Variants in TIAM1 observed in about 807,000 individuals in gnomAD.
TIAM1 encodes the protein rho guanine nucleotide exchange factor TIAM1.
A neutral mutation model predicts 163.5 loss-of-function variants in TIAM1; 65 were observed. The observed-to-expected ratio is 0.40, with a 90% CI of 0.33 to 0.49. The LOEUF is 0.49. Among genes scored for constraint, TIAM1 ranks in the 20% least tolerant of loss-of-function variants. TIAM1 has a pLI of 0.77. For synonymous variants in TIAM1, 833 were observed against 810.1 expected (o/e 1.03, Z -0.48); for missense variants, 1,789 against 2,044.7 (o/e 0.87, Z 2.41).
At chr21:31,259,549 C>T (rs777835609) in intron 4 of TIAM1, among the ~76,000 whole-genome samples, 1 of 151,692 alleles carries the variant, frequency 6.6e-6, no homozygotes, top group South Asian at 2.1e-4. Context: ...AGTTCAAGGC[C>T]GCAGTGCACT....
intron 4 of TIAM1, among the ~76,000 whole-genome samples, chr21:31,252,541 C>T (rs1202364732): frequency 2.0e-5 from 3 of 152,322 alleles, no homozygotes; most frequent in Middle Eastern, 3.4e-3. Context: ...TGCTGAGAAC[C>T]CAGCATCCTC....
At chr21:31,191,105 G>C (rs903516318) in intron 13 of TIAM1, among the ~76,000 whole-genome samples, 1 of 152,126 alleles carries the variant, frequency 6.6e-6, no homozygotes, top group Non-Finnish European at 1.5e-5. Flanking sequence ...AAACCAACCC[G>C]AGCACGGAGA....
At chr21:31,453,034 G>A (rs539819656) in intron 2 of TIAM1, 29 of 454,398 alleles carry the variant, frequency 6.4e-5, no homozygotes, top group Admixed American at 6.2e-4. Flanking sequence ...CTTCTCATTG[G>A]AGATCTTCTG....
chr21:31,475,958 G>T (rs1342952513), intron 1 of TIAM1, among the ~76,000 whole-genome samples: 1 of 152,024 alleles, frequency 6.6e-6, no homozygotes, highest in Admixed American at 6.6e-5. Context: ...CAAAAACAAT[G>T]CCTAAAACGG....
At chr21:31,158,695 G>A (rs927331104) in intron 16 of TIAM1, among the ~76,000 whole-genome samples, 2 of 151,708 alleles carry the variant, frequency 1.3e-5, no homozygotes, top group African/African-American at 4.8e-5. Flanking sequence ...AATTTTTTTT[G>A]GAAGGAATTA....
intron 2 of TIAM1, among the ~76,000 whole-genome samples, chr21:31,365,825 G>A (rs985690142): frequency 7.9e-5 from 12 of 151,948 alleles, no homozygotes; most frequent in Non-Finnish European, 1.5e-4. Flanking sequence ...ACATAAGGCC[G>A]GGCACGGAGG....
chr21:31,508,003 A>G (rs2047087506), intron 1 of TIAM1, among the ~76,000 whole-genome samples: 1 of 152,194 alleles, frequency 6.6e-6, no homozygotes, highest in Admixed American at 6.5e-5. Flanking sequence ...CTAATGACCA[A>G]TGTCCTAATA....
intron 1 of TIAM1, among the ~76,000 whole-genome samples, chr21:31,514,440 G>A (rs1569403020): frequency 6.6e-6 from 1 of 151,638 alleles, no homozygotes; most frequent in Non-Finnish European, 1.5e-5. Flanking sequence ...AACTTTGGGA[G>A]GCCAAAATGG....
chr21:31,410,518 A>ACG (rs3055334), intron 2 of TIAM1, among the ~76,000 whole-genome samples: 1 of 362 alleles, frequency 2.8e-3, no homozygotes, highest in Non-Finnish European at 4.8e-3. Flanking sequence ...TGTATGTGAG[A>ACG]GTGCATGAGA....
intron 1 of TIAM1, among the ~76,000 whole-genome samples, chr21:31,554,284 C>T (rs1338472707): frequency 6.6e-6 from 1 of 152,152 alleles, no homozygotes; most frequent in Non-Finnish European, 1.5e-5. Flanking sequence ...ATCTTTTTCC[C>T]AGCACAACTG....
intron 14 of TIAM1, among the ~76,000 whole-genome samples, chr21:31,183,674 G>T (rs926678508): frequency 2.0e-5 from 3 of 151,968 alleles, no homozygotes; most frequent in Admixed American, 6.6e-5. Context: ...TCCTTATTCA[G>T]GTTTCTAAAA....
rs79348647 is a variant in TIAM1 at position 31,199,923 on chromosome 21, A to C, written c.2493+2985T>G. On this transcript the variant is annotated intron_variant, in intron 12 of 27. Coordinates refer to ENST00000541036, the MANE Select transcript of TIAM1 (RefSeq NM_001353694.2). ...CGAACATCACATTAAAAAAAAAAAA[A>C]AACACACAAAAAATAAATAAAATAA... Among the ~76,000 whole-genome samples the C allele has an allele frequency of 3.2e-3, 484 of 151,174 alleles. 4 individuals are homozygous for C. Among genetic ancestry groups the C allele is most frequent in the African/African-American group, 0.011 (436 of 40,840 alleles).
chr21:31,126,616 G>A (rs141992514), intron 26 of TIAM1, among the ~76,000 whole-genome samples: 1,945 of 151,760 alleles, frequency 0.013, 23 homozygotes, highest in Non-Finnish European at 0.02. Context: ...GATTCAATAC[G>A]GGCACATTTA....
At chr21:31,350,395 G>A (rs1188618850) in intron 2 of TIAM1, among the ~76,000 whole-genome samples, 1 of 152,122 alleles carries the variant, frequency 6.6e-6, no homozygotes, top group Non-Finnish European at 1.5e-5. Flanking sequence ...GAATGACGCT[G>A]GCTAAGAAGG....
intron 1 of TIAM1, among the ~76,000 whole-genome samples, chr21:31,501,100 CT>C (rs2046832863): frequency 6.6e-6 from 1 of 152,108 alleles, no homozygotes; most frequent in Non-Finnish European, 1.5e-5. Context: ...CTCCTCCTCC[CT>C]GCCCCTCTCA....
intron 6 of TIAM1, among the ~76,000 whole-genome samples, chr21:31,243,438 G>A (rs2071328287): frequency 6.6e-6 from 1 of 151,392 alleles, no homozygotes; most frequent in African/African-American, 2.4e-5. Context: ...AAACACAACA[G>A]GAGTCACCAA....
intron 1 of TIAM1, among the ~76,000 whole-genome samples, chr21:31,531,465 T>A (rs2047967840): frequency 6.6e-6 from 1 of 152,090 alleles, no homozygotes; most frequent in South Asian, 2.1e-4. Flanking sequence ...AAGCAAGGCA[T>A]TAGTAGTAAA....
chr21:31,453,312 C>A, intron 2 of TIAM1: 1 of 185,374 alleles, frequency 5.4e-6, no homozygotes, highest in Non-Finnish European at 1.1e-5. Flanking sequence ...CATGTTGGAA[C>A]TGCCTATGAA....
intron 15 of TIAM1, among the ~76,000 whole-genome samples, chr21:31,173,747 T>C (rs2084633320): frequency 6.6e-6 from 1 of 152,246 alleles, no homozygotes; most frequent in African/African-American, 2.4e-5. Context: ...CTTTGTTTCC[T>C]ATAGAAATTT....
Sources: allele counts gnomAD v4.1 joint callset (sites outside exome capture counted in the v4.1 genomes callset), GRCh38; gene constraint gnomAD v4.1.1; transcripts MANE v1.5; gene names NCBI Gene and HGNC (gene_info 2026-07-23, HGNC 2026-07-21).